CALN1: variants seen among roughly 807,000 people sequenced by gnomAD.
CALN1 encodes calcium-binding protein 8.
Under a neutral mutation model 30.6 loss-of-function variants are expected in CALN1, and 17 were observed. The observed-to-expected ratio is 0.56, with a 90% confidence interval of 0.38 to 0.83. The LOEUF (loss-of-function observed/expected upper bound fraction) is 0.83. Among genes scored for constraint, CALN1 ranks in the 40% least tolerant of loss-of-function variants. The pLI is 0.00. For missense variants in CALN1, 291 were observed against 354.9 expected (o/e 0.82, Z 1.45); for synonymous variants, 156 against 131.4 (o/e 1.19, Z -1.28).
At chr7:71,791,529 CA>C (rs1793385229) in intron 6 of CALN1, among the ~76,000 whole-genome samples, 1 of 152,066 alleles carries the variant, frequency 6.6e-6, no homozygotes, top group South Asian at 2.1e-4. Context: ...AGAAGGGAAC[CA>C]CAGACACTGG....
chr7:71,842,527 G>A (rs1392509508), intron 5 of CALN1, among the ~76,000 whole-genome samples: 1 of 152,188 alleles, frequency 6.6e-6, no homozygotes, highest in Non-Finnish European at 1.5e-5. Flanking sequence ...ACAAGAGCAA[G>A]ACATCCACGT....
chr7:71,924,461 T>C (rs1247717893), intron 5 of CALN1, among the ~76,000 whole-genome samples: 1 of 152,072 alleles, frequency 6.6e-6, no homozygotes, highest in Non-Finnish European at 1.5e-5. Context: ...ATGATCATAA[T>C]AAATAAAACA....
intron 5 of CALN1, among the ~76,000 whole-genome samples, chr7:71,875,826 A>AAC (rs1252338253): frequency 4.6e-5 from 7 of 152,038 alleles, no homozygotes; most frequent in African/African-American, 1.5e-4. Context: ...CCATGGGGAG[A>AAC]ACTTTAAAAG....
chr7:72,482,119 T>C, the CALN1 span, among the ~76,000 whole-genome samples: 3 of 152,224 alleles, frequency 2.0e-5, no homozygotes, highest in Non-Finnish European at 2.9e-5. Flanking sequence ...ATCTTTGTTA[T>C]TGTGAAATCA....
At chr7:71,796,195 A>G (rs1791544934) in intron 6 of CALN1, among the ~76,000 whole-genome samples, 1 of 151,918 alleles carries the variant, frequency 6.6e-6, no homozygotes, top group African/African-American at 2.4e-5. Context: ...ATCCATTCGT[A>G]AGCTATAAAC....
chr7:72,105,238 T>G (rs1000487321), intron 4 of CALN1, among the ~76,000 whole-genome samples: 2 of 152,158 alleles, frequency 1.3e-5, no homozygotes, highest in Admixed American at 1.3e-4. Context: ...CTGCCTTAGC[T>G]GCACTCTTAA....
chr7:72,204,314 T>G (rs1791670268), intron 3 of CALN1, among the ~76,000 whole-genome samples: 1 of 151,990 alleles, frequency 6.6e-6, no homozygotes, highest in Non-Finnish European at 1.5e-5. Flanking sequence ...AGGACTCTTT[T>G]TTAATGTTAA....
chr7:71,918,909 A>C (rs1210031532), intron 5 of CALN1, among the ~76,000 whole-genome samples: 2 of 152,180 alleles, frequency 1.3e-5, no homozygotes, highest in African/African-American at 4.8e-5. Context: ...TGGTTGCATT[A>C]TATAACATGC....
rs193130685 is a variant in CALN1, at chr7:72,360,555, A to G, written c.119+42696T>C. Reference sequence around the variant, plus strand: ...TCAATCACCTTGGAGGGGTGGAATGAAACGATAGCATTAGATAGAGAAATA... The same window carrying G: ...TCAATCACCTTGGAGGGGTGGAATGGAACGATAGCATTAGATAGAGAAATA... On this transcript the variant is annotated intron_variant, in intron 2 of 6. Transcript: ENST00000395275. Among the ~76,000 whole-genome samples the G allele has an allele frequency of 1.3e-4, 20 of 151,878 alleles. No individual in the cohort carries two copies. In the East Asian group the frequency reaches 2.9e-3, roughly 22 times the overall value.
At chr7:72,315,868 G>A (rs750981243) in intron 2 of CALN1, among the ~76,000 whole-genome samples, 4 of 151,954 alleles carry the variant, frequency 2.6e-5, no homozygotes, top group African/African-American at 7.3e-5. Flanking sequence ...GAATTTCTCC[G>A]GCCGGGCGCG....
At chr7:72,039,589 G>C (rs1286903889) in intron 4 of CALN1, among the ~76,000 whole-genome samples, 1 of 152,036 alleles carries the variant, frequency 6.6e-6, no homozygotes, top group Non-Finnish European at 1.5e-5. Context: ...AGTAAACCTA[G>C]AGTGGGGAAG....
intron 3 of CALN1, among the ~76,000 whole-genome samples, chr7:72,271,088 A>G (rs888467538): frequency 6.6e-6 from 1 of 152,172 alleles, no homozygotes; most frequent in Non-Finnish European, 1.5e-5. Flanking sequence ...GCTGACTGGC[A>G]ATATAATTTC....
chr7:72,211,825 A>G (rs548613), intron 3 of CALN1, among the ~76,000 whole-genome samples: 77,865 of 151,928 alleles, frequency 0.51, 22,372 homozygotes, highest in East Asian at 0.98. Context: ...GTATTAGCTG[A>G]GCCAGTTTCT....
intron 3 of CALN1, among the ~76,000 whole-genome samples, chr7:72,157,437 A>C (rs1188380956): frequency 1.3e-5 from 2 of 152,130 alleles, no homozygotes; most frequent in Non-Finnish European, 2.9e-5. Context: ...GGGAGGACTC[A>C]GGGGCTTCCA....
At chr7:72,171,247 A>G (rs1585086687) in intron 3 of CALN1, among the ~76,000 whole-genome samples, 1 of 152,188 alleles carries the variant, frequency 6.6e-6, no homozygotes, top group African/African-American at 2.4e-5. Flanking sequence ...CTGACTTCCA[A>G]TCAAATCCAA....
At chr7:72,079,407 C>A (rs1804964345) in intron 4 of CALN1, among the ~76,000 whole-genome samples, 1 of 152,166 alleles carries the variant, frequency 6.6e-6, no homozygotes. Context: ...TCTTCCTGAC[C>A]TGCTTGCTTT....
intron 2 of CALN1, among the ~76,000 whole-genome samples, chr7:72,323,120 A>G (rs2129557416): frequency 6.6e-6 from 1 of 151,894 alleles, no homozygotes. Context: ...AAGGATAAAT[A>G]AGTTTCATCC....
chr7:72,129,936 A>G (rs1171224118), intron 3 of CALN1, among the ~76,000 whole-genome samples: 1 of 152,102 alleles, frequency 6.6e-6, no homozygotes, highest in African/African-American at 2.4e-5. Flanking sequence ...GCCTGGTGGG[A>G]GGGGTCTCGG....
chr7:72,091,846 A>G (rs777888734), intron 4 of CALN1, among the ~76,000 whole-genome samples: 7 of 152,330 alleles, frequency 4.6e-5, no homozygotes, highest in Non-Finnish European at 8.8e-5. Context: ...TATATTTTTA[A>G]TGTGAGATTT....
Sources: allele counts gnomAD v4.1 joint callset (sites outside exome capture counted in the v4.1 genomes callset), GRCh38; gene constraint gnomAD v4.1.1; transcripts MANE v1.5; gene names NCBI Gene and HGNC (gene_info 2026-07-23, HGNC 2026-07-21).